ALDH1A1: variants seen among roughly 807,000 people sequenced by gnomAD.
ALDH1A1 encodes aldehyde dehydrogenase 1A1.
In ALDH1A1, 19 loss-of-function variants were observed where a neutral mutation model predicts 62.1. That is an observed-to-expected ratio of 0.31 (90% CI 0.21 to 0.45). The LOEUF (loss-of-function observed/expected upper bound fraction) is 0.45, where lower values mean the gene tolerates loss of function less well. Ranked by LOEUF, ALDH1A1 falls within the 20% of genes least tolerant of loss-of-function variation. The pLI is 1.00. For synonymous variants in ALDH1A1, 231 were observed against 215.9 expected (o/e 1.07, Z -0.61); for missense variants, 521 against 607.1 (o/e 0.86, Z 1.49).
chr9:72,918,749 C>T lies in ALDH1A1; in HGVS notation c.821G>A (p.Ser274Asn). 1 of 1,611,282 alleles carries T rather than the reference C, an allele frequency of 6.2e-7. No individual in the cohort carries two copies. The highest frequency in any genetic ancestry group is 8.5e-7 in the Non-Finnish European group (1 of 1,179,490). Residue 274 changes from serine (S) to asparagine (N), a missense_variant, in exon 8 of 13, where the codon AGC becomes AAC. By Grantham distance (46) the Ser-to-Asn change is conservative. Transcript: ENST00000297785. ...KRVTLELGGK[S>N]PCIVLADADL... is the part of the protein sequence containing the mutation. ...GGCATCAGCTAACACAATGCAAGGG[C>T]TCTTTCCTCCAAGCTCCAGGGTCAC...
intron 6 of ALDH1A1, among the ~76,000 whole-genome samples, chr9:72,925,255 G>T (rs1830189902): frequency 1.3e-5 from 2 of 152,180 alleles, no homozygotes; most frequent in Admixed American, 6.5e-5. Flanking sequence ...ATCCCAAGTT[G>T]ACTGTTTGAC....
intron 9 of ALDH1A1, among the ~76,000 whole-genome samples, chr9:72,916,388 A>G (rs1830064385): frequency 6.6e-6 from 1 of 152,162 alleles, no homozygotes; most frequent in African/African-American, 2.4e-5. Context: ...CTGAGTGCCT[A>G]GGGGAATAAT....
intron 7 of ALDH1A1, among the ~76,000 whole-genome samples, chr9:72,921,503 C>CTTTTTTTTTTTTTTTTTATT (rs11327072): frequency 5.5e-5 from 6 of 109,502 alleles, no homozygotes; most frequent in African/African-American, 1.4e-4. Flanking sequence ...ACATTTAATT[C>CTTTTTTTTTTTTTTTTTATT]TTTTTTTTTT....
chr9:72,930,688 T>A (rs1032129914), intron 3 of ALDH1A1, among the ~76,000 whole-genome samples, 191 bp downstream of exon 3: 1 of 152,218 alleles, frequency 6.6e-6, no homozygotes, highest in African/African-American at 2.4e-5. Flanking sequence ...ATTAACATCA[T>A]CCAGAATTGA....
intron 9 of ALDH1A1, among the ~76,000 whole-genome samples, chr9:72,914,656 A>G (rs1342992028): frequency 6.6e-6 from 1 of 152,144 alleles, no homozygotes; most frequent in Non-Finnish European, 1.5e-5. Flanking sequence ...TATTTTTTCT[A>G]TAAAGTCAAA....
chr9:72,919,273 G>A (rs924668179), intron 7 of ALDH1A1, among the ~76,000 whole-genome samples: 4 of 151,984 alleles, frequency 2.6e-5, no homozygotes, highest in South Asian at 2.1e-4. Context: ...TGACCCAGTC[G>A]CAACTTAGCT....
At chr9:72,921,520 T>C (rs1327669039) in intron 7 of ALDH1A1, among the ~76,000 whole-genome samples, 20 of 116,536 alleles carry the variant, frequency 1.7e-4, no homozygotes, top group African/African-American at 6.7e-4. Context: ...TTTTTTTTTT[T>C]CATTTTTTTT....
At position 72,909,699 on chromosome 9, in the gene ALDH1A1, C is replaced by A. The variant is rs748437392; in HGVS notation, c.1261G>T (p.Ala421Ser). The A allele has an allele frequency of 3.1e-6, 5 of 1,613,568 alleles. No homozygotes were observed. The highest frequency in any genetic ancestry group is 4.2e-6 in the Non-Finnish European group (5 of 1,179,696). The change falls in exon 11 of 13, where the codon GCA (alanine) becomes TCA (serine). Residue 421 changes from alanine to serine, a missense_variant. Coordinates refer to ENST00000297785, the MANE Select transcript of ALDH1A1 (RefSeq NM_000689.5). ...GATAAGCCATAGAAAGTATTGTTTGCTCTTTTGATCACGTCATCTAAAGAT... is the reference window on the plus strand; with the variant it reads ...GATAAGCCATAGAAAGTATTGTTTGATCTTTTGATCACGTCATCTAAAGAT... ...FKSLDDVIKR[A>S]NNTFYGLSAG... is the part of the protein sequence containing the mutation.
At chr9:72,932,755 T>G (rs1830298488) in intron 2 of ALDH1A1, among the ~76,000 whole-genome samples, 1 of 152,230 alleles carries the variant, frequency 6.6e-6, no homozygotes, top group Admixed American at 6.5e-5. Flanking sequence ...GAGCACTGTT[T>G]GAAAAAAAGA....
intron 7 of ALDH1A1, among the ~76,000 whole-genome samples, chr9:72,921,240 C>CAAAAAAAAA (rs1025687679): frequency 3.4e-4 from 27 of 79,066 alleles, no homozygotes; most frequent in Non-Finnish European, 3.6e-4. Context: ...CGACTCCTCT[C>CAAAAAAAAA]AAAAAAAAAA....
intron 1 of ALDH1A1, among the ~76,000 whole-genome samples, chr9:72,949,839 T>TA (rs11459106): frequency 0.47 from 65,635 of 139,066 alleles, 16,563 homozygotes; most frequent in Non-Finnish European, 0.58. Flanking sequence ...TTCCCTTTTA[T>TA]AAAAAAAAAA....
chr9:72,947,452 A>G (rs1013361975), intron 1 of ALDH1A1, among the ~76,000 whole-genome samples: 1 of 152,028 alleles, frequency 6.6e-6, no homozygotes, highest in Admixed American at 6.6e-5. Flanking sequence ...AAGACTGTTA[A>G]GAACACAGAA....
chr9:72,951,721 C>T (rs1352005339), intron 1 of ALDH1A1, among the ~76,000 whole-genome samples: 2 of 151,890 alleles, frequency 1.3e-5, no homozygotes, highest in Non-Finnish European at 2.9e-5. Flanking sequence ...TATGGATTTA[C>T]TGCATTTTTC....
chr9:72,905,963 T>C lies in ALDH1A1; in HGVS notation c.1428A>G (p.Arg476=). ...FGGFKMSGNG[R]ELGEYGFHEY... is the part of the protein sequence containing the mutation. ...TAATAGAACGTTAATCTTACAGTTC[T>C]CTTCCATTTCCAGACATCTTGAATC... Residue 476 remains arginine (R), a synonymous_variant, in exon 12 of 13, where the codon AGA becomes AGG. Transcript: ENST00000297785. 1 of 1,606,880 alleles carries C rather than the reference T, an allele frequency of 6.2e-7. No individual in the cohort carries two copies. The highest frequency in any genetic ancestry group is 8.5e-7 in the Non-Finnish European group (1 of 1,174,698).
intron 2 of ALDH1A1, among the ~76,000 whole-genome samples, 155 bp from the exon 3 acceptor site, chr9:72,931,174 G>T (rs767116934): frequency 6.6e-6 from 1 of 152,130 alleles, no homozygotes; most frequent in African/African-American, 2.4e-5. Flanking sequence ...TTCAACTACT[G>T]TATGTTGGAA....
chr9:72,913,527 C>T (rs1446300324), intron 9 of ALDH1A1, among the ~76,000 whole-genome samples: 1 of 152,130 alleles, frequency 6.6e-6, no homozygotes, highest in Non-Finnish European at 1.5e-5. Context: ...CTTATTGGAA[C>T]ATATTAATCT....
At chr9:72,907,521 A>G (rs1829891309) in intron 11 of ALDH1A1, among the ~76,000 whole-genome samples, 1 of 152,214 alleles carries the variant, frequency 6.6e-6, no homozygotes. Flanking sequence ...TCGAAAATAC[A>G]AAACTGAAAT....
Position 72,925,517 on chromosome 9 carries a change from G to C in ALDH1A1, c.600C>G (p.Leu200=), listed in dbSNP as rs1284463288. ...TTAAAGATGCCACGTGGAGAGCAGT[G>C]AGAGGAGTTTGCTCTGCTGGTTTGA... is the stretch of plus-strand genomic sequence containing the variant. ...VVVKPAEQTP[L]TALHVASLIK... Residue 200 remains leucine, a synonymous_variant, in exon 6 of 13, where the codon CTC becomes CTG. Coordinates refer to ENST00000297785, the MANE Select transcript of ALDH1A1 (RefSeq NM_000689.5). 3.7e-6 allele frequency: 6 copies of C among 1,614,056 alleles called. No individual in the cohort carries two copies. In the African/African-American group the frequency reaches 4.0e-5, roughly 11 times the overall value.
chr9:72,912,654 G>T (rs1382255249), intron 9 of ALDH1A1, among the ~76,000 whole-genome samples: 8 of 152,068 alleles, frequency 5.3e-5, no homozygotes, highest in African/African-American at 1.9e-4. Flanking sequence ...ATCCCATTCT[G>T]ACCATAGTCT....
Sources: allele counts gnomAD v4.1 joint callset (sites outside exome capture counted in the v4.1 genomes callset), GRCh38; gene constraint gnomAD v4.1.1; transcripts MANE v1.5; gene names NCBI Gene and HGNC (gene_info 2026-07-23, HGNC 2026-07-21).